MTR: variants seen among roughly 807,000 people sequenced by gnomAD.
MTR encodes 5-methyltetrahydrofolate-homocysteine methyltransferase.
MTR carries 84 observed loss-of-function variants against 154.8 expected under a neutral mutation model. That is an observed-to-expected ratio of 0.54 (90% CI 0.45 to 0.65). MTR has a LOEUF of 0.65. MTR is among the 30% of genes least tolerant of loss of function. The pLI is 0.00. For missense variants in MTR, 1,275 were observed against 1,570.2 expected (o/e 0.81, Z 3.18); for synonymous variants, 554 against 553.9 (o/e 1.00, Z 0.00).
chr1:236,800,545 T>C (rs1172126461), intron 1 of MTR: 1 of 924,446 alleles, frequency 1.1e-6, no homozygotes, highest in African/African-American at 1.8e-5. Flanking sequence ...CAGCTTTCAC[T>C]GAGTATTTTC....
chr1:236,816,540 T>G lies in MTR; in HGVS notation c.761T>G (p.Leu254Arg). 6.2e-7 allele frequency: 1 copy of G among 1,613,166 alleles called. No individual in the cohort carries two copies. Reference protein sequence around the residue: ...FVISVSHGEPLCIGLNCALGA... With the variant: ...FVISVSHGEPRCIGLNCALGA... ...ATCAGCGTGTCTCATGGAGAACCACTCTGGTGAGTGATCCATCTTTCTGTA... is the reference window on the plus strand; with the variant it reads ...ATCAGCGTGTCTCATGGAGAACCACGCTGGTGAGTGATCCATCTTTCTGTA... The change falls in exon 8 of 33, where the codon CTC (leucine) becomes CGC (arginine). Residue 254 changes from leucine (L) to arginine (R), a missense_variant. Transcript: ENST00000366577.
chr1:236,796,112 G>A (rs1032764832), intron 1 of MTR, among the ~76,000 whole-genome samples: 1 of 151,898 alleles, frequency 6.6e-6, no homozygotes, highest in African/African-American at 2.4e-5. Context: ...TATGTATTGC[G>A]CACCTACTGC....
rs770461702 is a variant in MTR at position 236,829,175 on chromosome 1, C to T, written c.996-14C>T. Reference sequence around the variant, plus strand: ...TCTGAATTAATGGATACAATGTTTCCTCTTTCAACTCAGGGAAATTGCTGA... The same window carrying T: ...TCTGAATTAATGGATACAATGTTTCTTCTTTCAACTCAGGGAAATTGCTGA... On this transcript the variant is annotated splice_polypyrimidine_tract_variant and intron_variant, in intron 11 of 32. Transcript: ENST00000366577. The T allele has an allele frequency of 9.4e-6, 15 of 1,600,520 alleles. No individual in the cohort carries two copies. The highest frequency in any genetic ancestry group is 1.3e-5 in the African/African-American group (1 of 74,592).
chr1:236,869,337 C>T (rs973345091), intron 22 of MTR, among the ~76,000 whole-genome samples: 2 of 152,104 alleles, frequency 1.3e-5, no homozygotes, highest in Non-Finnish European at 2.9e-5. Flanking sequence ...AATGCTTGCT[C>T]TCATAGCTCT....
chr1:236,833,090 G>A (rs883396), intron 13 of MTR, among the ~76,000 whole-genome samples: 47,250 of 151,990 alleles, frequency 0.31, 7,933 homozygotes, highest in Admixed American at 0.38. Flanking sequence ...CTTCACTTAG[G>A]TATTAAACTG....
intron 7 of MTR, 63 bp downstream of exon 7, chr1:236,815,726 T>A: frequency 1.3e-6 from 2 of 1,504,988 alleles, no homozygotes; most frequent in Non-Finnish European, 1.8e-6. Context: ...TGAGCATGTT[T>A]TTCCCCCGCT....
chr1:236,902,000 C>A lies in MTR; in HGVS notation c.*4356C>A, dbSNP rs1377946000. 1 of 152,282 alleles carries A rather than the reference C, an allele frequency of 6.6e-6. No individual in the cohort carries two copies. The highest frequency in any genetic ancestry group is 1.5e-5 in the Non-Finnish European group (1 of 68,114). 9.4% of individuals were successfully genotyped at this position (152,282 alleles called of 1,614,324 possible). On this transcript the variant is annotated 3_prime_UTR_variant, in exon 33 of 33. Transcript: ENST00000366577. Reference sequence around the variant, plus strand: ...GGTTAAGGTTCTCATCATTTCTCCTCTGGATTCATCTGCAACACAGGCTGC... The same window carrying A: ...GGTTAAGGTTCTCATCATTTCTCCTATGGATTCATCTGCAACACAGGCTGC...
intron 27 of MTR, among the ~76,000 whole-genome samples, chr1:236,887,963 G>A (rs1455122207): frequency 1.3e-5 from 2 of 152,148 alleles, no homozygotes; most frequent in Non-Finnish European, 2.9e-5. Context: ...TCTACTAAGG[G>A]GACTATAAAG....
chr1:236,850,802 A>G (rs1456046642), intron 16 of MTR, among the ~76,000 whole-genome samples: 1 of 152,186 alleles, frequency 6.6e-6, no homozygotes, highest in Admixed American at 6.5e-5. Flanking sequence ...AGTGCGCTCT[A>G]GCCTGGGCGA....
rs771695379 is a variant in MTR at position 236,795,660 on chromosome 1, G to T, written c.-44G>T. On this transcript the variant is annotated 5_prime_UTR_variant, in exon 1 of 33. Transcript: ENST00000366577. ...GGCCGTCGTCACCTGTGGAGAGCAC[G>T]TCTTCTCTGCCGCGCCCTCTGCGCA... 5 of 1,613,118 alleles carry T rather than the reference G, an allele frequency of 3.1e-6. No homozygotes were observed. The highest frequency in any genetic ancestry group is 3.3e-5 in the Admixed American group (2 of 60,022).
chr1:236,806,267 C>T (rs1482007521), intron 3 of MTR, 34 bp downstream of exon 3: 2 of 1,556,148 alleles, frequency 1.3e-6, no homozygotes, highest in Non-Finnish European at 1.8e-6. Flanking sequence ...GTCTAAGATG[C>T]TTACGAGCGT....
rs1295326325 is a variant in MTR at position 236,900,132 on chromosome 1, A to C, written c.*2488A>C. 1 of 397,214 alleles carries C rather than the reference A, an allele frequency of 2.5e-6. No individual in the cohort carries two copies. Among genetic ancestry groups the C allele is most frequent in the Non-Finnish European group, 5.0e-6 (1 of 200,714 alleles). 24.6% of individuals were successfully genotyped at this position (397,214 alleles called of 1,614,324 possible). On this transcript the variant is annotated 3_prime_UTR_variant, in exon 33 of 33. Coordinates refer to ENST00000366577, the MANE Select transcript of MTR (RefSeq NM_000254.3). The stretch of plus-strand genomic sequence containing the variant: ...TAAGAATGTTCATAGTTACATATTT[A>C]TAATAGTTAATAACTGGAAAAAGTG...
At chr1:236,840,875 C>T (rs1663190286) in intron 15 of MTR, among the ~76,000 whole-genome samples, 2 of 152,126 alleles carry the variant, frequency 1.3e-5, no homozygotes. Context: ...AGAGTCAGTT[C>T]ATTGGAGTGG....
chr1:236,828,025 T>G (rs1470629634), intron 11 of MTR, among the ~76,000 whole-genome samples: 4 of 152,274 alleles, frequency 2.6e-5, no homozygotes, highest in Middle Eastern at 3.4e-3. Context: ...TTGCCCAGGC[T>G]GGAGTGCAGT....
At chr1:236,894,247 G>A (rs562618962) in intron 29 of MTR, 110 bp from the exon 30 acceptor site, 88 of 1,031,540 alleles carry the variant, frequency 8.5e-5, no homozygotes, top group South Asian at 1.2e-4. Context: ...CCATCTGTGC[G>A]TTGTGAAGCT....
At chr1:236,867,343 A>C (rs1664872968) in intron 22 of MTR, among the ~76,000 whole-genome samples, 1 of 152,204 alleles carries the variant, frequency 6.6e-6, no homozygotes, top group Non-Finnish European at 1.5e-5. Flanking sequence ...TGTTTACAGC[A>C]TGGGTTTACT....
chr1:236,900,298 A>C lies in MTR; in HGVS notation c.*2654A>C, dbSNP rs1666863218. The C allele has an allele frequency of 4.8e-6, 1 of 209,056 alleles. No homozygotes were observed. Among genetic ancestry groups the C allele is most frequent in the Non-Finnish European group, 1.0e-5 (1 of 99,338 alleles). 13.0% of individuals were successfully genotyped at this position (209,056 alleles called of 1,614,324 possible). A position where few individuals can be genotyped will look rare whatever the true frequency, so the allele number is the denominator to read the frequency against. On this transcript the variant is annotated 3_prime_UTR_variant, in exon 33 of 33. Transcript: ENST00000366577. ...TGAATCTCAGAAAATATTAAGGAAAAAAGCAAGTTTGAAGAGACCACATGG... is the reference window on the plus strand; with the variant it reads ...TGAATCTCAGAAAATATTAAGGAAACAAGCAAGTTTGAAGAGACCACATGG...
rs746625029 is a variant in MTR at position 236,889,221 on chromosome 1, T to C, written c.2892T>C (p.Tyr964=). Residue 964 remains tyrosine, a synonymous_variant, in exon 28 of 33, where the codon TAT becomes TAC. Coordinates refer to ENST00000366577, the MANE Select transcript of MTR (RefSeq NM_000254.3). ...TFIGTQVFED[Y]DLQKLVDYID... ...TTGGGACCCAGGTCTTTGAAGACTA[T>C]GACCTGCAGAAGCTGGTGGACTACA... The C allele has an allele frequency of 1.2e-6, 2 of 1,614,200 alleles. No individual in the cohort carries two copies. The highest frequency in any genetic ancestry group is 8.5e-7 in the Non-Finnish European group (1 of 1,180,028).
chr1:236,890,625 G>A (rs1484844201), intron 28 of MTR, among the ~76,000 whole-genome samples: 2 of 152,156 alleles, frequency 1.3e-5, no homozygotes, highest in Non-Finnish European at 2.9e-5. Flanking sequence ...AACTCTTCAT[G>A]GTACTGTTGA....
Sources: allele counts gnomAD v4.1 joint callset (sites outside exome capture counted in the v4.1 genomes callset), GRCh38; gene constraint gnomAD v4.1.1; transcripts MANE v1.5; gene names NCBI Gene and HGNC (gene_info 2026-07-23, HGNC 2026-07-21).